The following NELFA variants were observed in gnomAD, a reference collection of about 807,000 sequenced individuals.
NELFA encodes negative elongation factor A.
NELFA carries 35 observed loss-of-function variants against 51.8 expected under a neutral mutation model. That is an observed-to-expected ratio of 0.68 (90% CI 0.52 to 0.90). The LOEUF is 0.90. NELFA is among the 40% of genes least tolerant of loss of function. NELFA has a pLI of 0.00. For synonymous variants in NELFA, 417 were observed against 338.4 expected (o/e 1.23, Z -2.55); for missense variants, 658 against 746.4 (o/e 0.88, Z 1.38).
chr4:1,986,769 C>CT, intron 4 of NELFA, among the ~76,000 whole-genome samples: 1 of 3,398 alleles, frequency 2.9e-4, no homozygotes, highest in Admixed American at 6.8e-3. Context: ...CCCAAGCCTT[C>CT]TCCCCGTCCC....
chr4:1,984,965 C>G (rs759683130), intron 7 of NELFA, 46 bp from the exon 8 acceptor site: 5 of 1,408,070 alleles, frequency 3.6e-6, no homozygotes, highest in Non-Finnish European at 4.9e-6. Flanking sequence ...GCCATGCTTC[C>G]GGCATGTGCT....
intron 1 of NELFA, among the ~76,000 whole-genome samples, chr4:1,998,674 G>C (rs1017835489): frequency 6.6e-6 from 1 of 152,184 alleles, no homozygotes; most frequent in African/African-American, 2.4e-5. Context: ...ACCTACTACT[G>C]ACTGGAGTAC....
chr4:2,004,518 C>T (rs1423307755), intron 1 of NELFA, among the ~76,000 whole-genome samples: 1 of 151,980 alleles, frequency 6.6e-6, no homozygotes, highest in Non-Finnish European at 1.5e-5. Context: ...GACAGGGTCT[C>T]ATTCTGTCGG....
intron 1 of NELFA, among the ~76,000 whole-genome samples, chr4:1,994,442 G>C (rs1426358726): frequency 6.6e-6 from 1 of 152,010 alleles, no homozygotes; most frequent in East Asian, 1.9e-4. Context: ...GTGCACTCCT[G>C]TAATCCCAGC....
intron 7 of NELFA, among the ~76,000 whole-genome samples, chr4:1,985,365 C>T (rs981161474): frequency 1.3e-5 from 2 of 152,230 alleles, no homozygotes; most frequent in African/African-American, 4.8e-5. Context: ...TGCCGCGCCC[C>T]GTGGCTGCCT....
Position 1,989,612 on chromosome 4 carries a change from G to T in NELFA, c.544+96C>A. 7.3e-7 allele frequency: 1 copy of T among 1,371,716 alleles called. No homozygotes were observed. Among genetic ancestry groups the T allele is most frequent in the Non-Finnish European group, 9.9e-7 (1 of 1,011,606 alleles). The allele number at this position is 1,371,716 out of a possible 1,614,324, so 85.0% of individuals were successfully genotyped here. A position where few individuals can be genotyped will look rare whatever the true frequency, so the allele number is the denominator to read the frequency against. ...TGAGCCACCATGCCTGGCCCAGAAC[G>T]CCACCTTGAAGGGGCAGTCTTGGTA... On this transcript the variant is annotated intron_variant, in intron 3 of 10. Coordinates refer to ENST00000382882, the MANE Select transcript of NELFA (RefSeq NM_005663.5). The surrounding 1 kb of genome is among the most constrained non-coding windows in gnomAD (Gnocchi z 4.8).
At chr4:1,998,496 A>G (rs1366372825) in intron 1 of NELFA, among the ~76,000 whole-genome samples, 4 of 152,202 alleles carry the variant, frequency 2.6e-5, no homozygotes, top group Admixed American at 6.5e-5. Flanking sequence ...CCAGAACCTC[A>G]TGAGTCATCC....
At chr4:1,997,018 G>A (rs1417337293) in intron 1 of NELFA, among the ~76,000 whole-genome samples, 1 of 152,114 alleles carries the variant, frequency 6.6e-6, no homozygotes, top group East Asian at 1.9e-4. Flanking sequence ...GGAAGGTGAG[G>A]CAGGAGATCA....
At chr4:1,994,997 G>A (rs756639259) in intron 1 of NELFA, among the ~76,000 whole-genome samples, 3 of 152,236 alleles carry the variant, frequency 2.0e-5, no homozygotes, top group Non-Finnish European at 2.9e-5. Context: ...GGGGCACCTG[G>A]ACAGTTAGTC....
chr4:1,988,022 T>C lies in NELFA; in HGVS notation c.545-15A>G. The C allele has an allele frequency of 6.2e-7, 1 of 1,604,248 alleles. No homozygotes were observed. On this transcript the variant is annotated splice_polypyrimidine_tract_variant and intron_variant, in intron 3 of 10. Transcript: ENST00000382882. Reference sequence around the variant, plus strand: ...GGTCTCCGTGGCTGGAAGGAAGAGGTCACATATGTCAGGGATCCTCAGAGC... The same window carrying C: ...GGTCTCCGTGGCTGGAAGGAAGAGGCCACATATGTCAGGGATCCTCAGAGC...
intron 1 of NELFA, among the ~76,000 whole-genome samples, chr4:2,001,937 ATG>A (rs1375188287): frequency 6.7e-6 from 1 of 149,886 alleles, no homozygotes; most frequent in Non-Finnish European, 1.5e-5. Context: ...ACGGTGGCTC[ATG>A]CCTGTAATCC....
chr4:1,986,457 A>C (rs1174887379), intron 4 of NELFA, 55 bp from the exon 5 acceptor site: 1 of 1,594,914 alleles, frequency 6.3e-7, no homozygotes. Context: ...AACGTCCCCC[A>C]CCCCGAGCTC....
chr4:1,986,037 G>A lies in NELFA; in HGVS notation c.835+77C>T, dbSNP rs537747868. ...CGGGGCACAGCCCTGCCCGCCGAGC[G>A]TGGGCACAACCCACCCCAACTGGGC... On this transcript the variant is annotated intron_variant, in intron 6 of 10. Coordinates refer to ENST00000382882, the MANE Select transcript of NELFA (RefSeq NM_005663.5). 42 of 1,491,820 alleles carry A rather than the reference G, an allele frequency of 2.8e-5. No homozygotes were observed. In the East Asian group the frequency reaches 3.7e-4, roughly 13 times the overall value. 92.4% of individuals were successfully genotyped at this position (1,491,820 alleles called of 1,614,324 possible).
rs377513283 is a variant in NELFA at position 1,985,809 on chromosome 4, G to T, written c.891C>A (p.Thr297=). Residue 297 remains threonine (T), a synonymous_variant, in exon 7 of 11, where the codon ACC becomes ACA. Coordinates refer to ENST00000382882, the MANE Select transcript of NELFA (RefSeq NM_005663.5). ...AKEETVVENA[T]PDYAAGLVST... is the part of the protein sequence containing the mutation. Reference sequence around the variant, plus strand: ...ACACCAGGCCGGCTGCGTAGTCCGGGGTGGCGTTCTCCACCACCGTTTCCT... The same window carrying T: ...ACACCAGGCCGGCTGCGTAGTCCGGTGTGGCGTTCTCCACCACCGTTTCCT... 2 of 1,613,182 alleles carry T rather than the reference G, an allele frequency of 1.2e-6. No individual in the cohort carries two copies. The highest frequency in any genetic ancestry group is 4.5e-5 in the East Asian group (2 of 44,874).
rs186784940 is a variant in NELFA at position 1,986,807 on chromosome 4, G to A, written c.635-405C>T. On this transcript the variant is annotated intron_variant, in intron 4 of 10. Coordinates refer to ENST00000382882, the MANE Select transcript of NELFA (RefSeq NM_005663.5). ...GAGGACACTCCTGAGGCCTACCTAC[G>A]CTGTTACCCACCAGCGCCCACACGC... Among the ~76,000 whole-genome samples, 8 of 152,214 alleles carry A rather than the reference G, an allele frequency of 5.3e-5. 1 individual carries two copies. Among genetic ancestry groups the A allele is most frequent in the Admixed American group, 2.0e-4 (3 of 15,298 alleles).
chr4:2,008,670 G>C, intron 1 of NELFA, 80 bp downstream of exon 1: 1 of 1,500,096 alleles, frequency 6.7e-7, no homozygotes, highest in Non-Finnish European at 9.0e-7. Flanking sequence ...AGGGAGCGAG[G>C]AGGGTCCGGA....
chr4:1,985,310 C>T (rs1728051664), intron 7 of NELFA, among the ~76,000 whole-genome samples: 1 of 152,240 alleles, frequency 6.6e-6, no homozygotes, highest in Admixed American at 6.5e-5. Flanking sequence ...GTGTGGCCTC[C>T]TCCAGGCCCT....
At chr4:1,995,780 A>G (rs1465499353) in intron 1 of NELFA, among the ~76,000 whole-genome samples, 1 of 152,210 alleles carries the variant, frequency 6.6e-6, no homozygotes, top group Non-Finnish European at 1.5e-5. Flanking sequence ...GATGCACCTA[A>G]TAACACAGCC....
chr4:1,997,173 A>G (rs1728448865), intron 1 of NELFA, among the ~76,000 whole-genome samples: 1 of 152,236 alleles, frequency 6.6e-6, no homozygotes, highest in Non-Finnish European at 1.5e-5. Context: ...ATCCTCCCAC[A>G]AAGTAAATTT....
Sources: allele counts gnomAD v4.1 joint callset (sites outside exome capture counted in the v4.1 genomes callset), GRCh38; gene constraint gnomAD v4.1.1; non-coding constraint Gnocchi (gnomAD v3.1); transcripts MANE v1.5; gene names NCBI Gene and HGNC (gene_info 2026-07-23, HGNC 2026-07-21).